The following HEMK2 variants were observed in gnomAD, a reference collection of about 807,000 sequenced individuals.
HEMK2 encodes the protein HemK methyltransferase 2, ETF1 glutamine and histone H4 lysine, also known as methyltransferase HEMK2.
chr21:28,693,104 C>T, the HEMK2 span, among the ~76,000 whole-genome samples: 1 of 152,112 alleles, frequency 6.6e-6, no homozygotes, highest in East Asian at 1.9e-4. Context: ...CATGAAAATG[C>T]TAACAACCAT....
At chr21:28,734,174 G>A in the HEMK2 span, among the ~76,000 whole-genome samples, 1 of 152,120 alleles carries the variant, frequency 6.6e-6, no homozygotes, top group Admixed American at 6.5e-5. Flanking sequence ...GATTATCTTA[G>A]GAATATAAAG....
the HEMK2 span, among the ~76,000 whole-genome samples, chr21:28,868,428 T>A: frequency 6.6e-6 from 1 of 152,222 alleles, no homozygotes; most frequent in East Asian, 1.9e-4. Flanking sequence ...ATGCCTGTAA[T>A]CTCACCACTT....
chr21:28,662,915 A>T, the HEMK2 span, among the ~76,000 whole-genome samples: 15 of 152,128 alleles, frequency 9.9e-5, no homozygotes, highest in African/African-American at 3.1e-4. Flanking sequence ...CTGTTTCTCC[A>T]TTCTCCCCTC....
the HEMK2 span, among the ~76,000 whole-genome samples, chr21:28,610,824 C>T: frequency 3.3e-5 from 5 of 152,232 alleles, no homozygotes; most frequent in African/African-American, 7.2e-5. Flanking sequence ...TAATGATAAA[C>T]GGACTAGTCC....
chr21:28,882,227 G>A, the HEMK2 span: 12 of 1,610,868 alleles, frequency 7.4e-6, no homozygotes, highest in Non-Finnish European at 1.0e-5. Flanking sequence ...ACAAGCTGCT[G>A]CCTCAGGGTT....
chr21:28,769,896 T>C, the HEMK2 span, among the ~76,000 whole-genome samples: 3 of 152,154 alleles, frequency 2.0e-5, no homozygotes, highest in African/African-American at 7.2e-5. Context: ...ACTGACTCAA[T>C]TGCTTACAAG....
the HEMK2 span, among the ~76,000 whole-genome samples, chr21:28,682,185 G>A: frequency 4.4e-4 from 67 of 151,924 alleles, no homozygotes; most frequent in Non-Finnish European, 8.7e-4. Context: ...AATCTACAAT[G>A]AACTCAAACA....
At chr21:28,671,120 G>C in the HEMK2 span, 2 of 152,252 alleles carry the variant, frequency 1.3e-5, no homozygotes, top group Non-Finnish European at 2.9e-5. Context: ...GGAGGGGCAA[G>C]AGCCTTCACG....
the HEMK2 span, among the ~76,000 whole-genome samples, chr21:28,729,108 A>G: frequency 1.4e-4 from 22 of 152,306 alleles, no homozygotes; most frequent in South Asian, 4.6e-3. Context: ...TGCTTTCTGG[A>G]AAGTCTTTAA....
chr21:28,675,733 A>C, the HEMK2 span, among the ~76,000 whole-genome samples: 1 of 152,230 alleles, frequency 6.6e-6, no homozygotes, highest in African/African-American at 2.4e-5. Context: ...CTGAGAACAG[A>C]GAGTTGAGAA....
At chr21:28,812,851 G>A in the HEMK2 span, among the ~76,000 whole-genome samples, 3 of 152,036 alleles carry the variant, frequency 2.0e-5, no homozygotes, top group African/African-American at 7.2e-5. Context: ...ATTTCTTCCT[G>A]GTTTAGTCTT....
the HEMK2 span, among the ~76,000 whole-genome samples, chr21:28,647,880 T>C: frequency 3.3e-5 from 5 of 152,334 alleles, no homozygotes; most frequent in East Asian, 5.8e-4. Context: ...GAGGGAGTGA[T>C]TGTAACAGAA....
chr21:28,672,969 AAAAAT>A, the HEMK2 span, among the ~76,000 whole-genome samples: 2 of 150,760 alleles, frequency 1.3e-5, no homozygotes, highest in African/African-American at 4.9e-5. Context: ...GAGAAAGAAA[AAAAAT>A]AAAAAAAGAG....
chr21:28,751,222 C>T, the HEMK2 span, among the ~76,000 whole-genome samples: 26,691 of 141,768 alleles, frequency 0.19, 3,059 homozygotes, highest in African/African-American at 0.33. Context: ...CAGAGCAACA[C>T]TCTGTCTCAA....
chr21:28,707,597 A>G, the HEMK2 span, among the ~76,000 whole-genome samples: 12 of 152,116 alleles, frequency 7.9e-5, no homozygotes, highest in Admixed American at 7.9e-4. Context: ...AGTAGAAGGC[A>G]GCTAGACTCA....
chr21:28,594,709 A>G, the HEMK2 span, among the ~76,000 whole-genome samples: 2 of 152,204 alleles, frequency 1.3e-5, no homozygotes, highest in African/African-American at 4.8e-5. Context: ...AAATTTTTAA[A>G]TCTAAATCTC....
At chr21:28,684,271 C>A in the HEMK2 span, among the ~76,000 whole-genome samples, 1 of 152,210 alleles carries the variant, frequency 6.6e-6, no homozygotes, top group Admixed American at 6.5e-5. Context: ...TCTTTAAAAT[C>A]TGGAATGTTG....
chr21:28,635,559 G>A, the HEMK2 span, among the ~76,000 whole-genome samples: 1 of 152,062 alleles, frequency 6.6e-6, no homozygotes, highest in African/African-American at 2.4e-5. Flanking sequence ...TAGGCAGCAG[G>A]CTCCATTCAT....
chr21:28,626,104 T>G, the HEMK2 span, among the ~76,000 whole-genome samples: 1 of 152,122 alleles, frequency 6.6e-6, no homozygotes, highest in Admixed American at 6.5e-5. Context: ...TTCTTATAAT[T>G]TCCTTAAAAG....
Sources: gnomAD v4.1 joint callset for allele counts (sites outside exome capture counted in the v4.1 genomes callset) on GRCh38, gnomAD v4.1.1 for gene constraint, MANE v1.5 for transcripts, NCBI Gene and HGNC (gene_info 2026-07-23, HGNC 2026-07-21) for gene names.